Variants in CCDC171 observed in about 807,000 individuals in gnomAD.
The protein encoded by CCDC171 is coiled-coil domain containing 171.
CCDC171 carries 177 observed loss-of-function variants against 168.2 expected under a neutral mutation model. The ratio of observed to expected loss-of-function variants is 1.05; its 90% confidence interval spans 0.93 to 1.19. CCDC171 has a LOEUF of 1.19. Among genes scored for constraint, CCDC171 ranks in the 50% most tolerant of loss-of-function variants. The probability of loss-of-function intolerance (pLI) is 0.00; values close to 1 mark genes in which losing one functional copy is unlikely to be tolerated. For synonymous variants in CCDC171, 687 were observed against 540.8 expected (o/e 1.27, Z -3.75); for missense variants, 1,991 against 1,539.0 (o/e 1.29, Z -4.91).
intron 24 of CCDC171, among the ~76,000 whole-genome samples, chr9:15,906,677 A>G (rs963964697): frequency 9.8e-5 from 15 of 152,326 alleles, no homozygotes; most frequent in South Asian, 2.1e-4. Flanking sequence ...GGCCAGGGCA[A>G]TCAGGCAGGA....
At chr9:15,677,925 T>TATATATATATA (rs59883669) in intron 9 of CCDC171, among the ~76,000 whole-genome samples, 534 of 41,836 alleles carry the variant, frequency 0.013, 133 homozygotes, top group East Asian at 0.026. Flanking sequence ...TATATATATA[T>TATATATATATA]AAGAGATGTG....
At position 15,745,580 on chromosome 9, in the gene CCDC171, G is replaced by C; in HGVS notation, c.2620G>C (p.Ala874Pro). ...TTGGCTCACCAGTTCTGACCTTCTT[G>C]CTGCAATAATCAGTTCTATGGCTGA... ...LSWLTSSDLL[A>P]AIISSMAELQ... Residue 874 changes from alanine (A) to proline (P), a missense_variant, in exon 18 of 26, where the codon GCT becomes CCT. Transcript: ENST00000380701. 6.3e-7 allele frequency: 1 copy of C among 1,590,718 alleles called. No homozygotes were observed.
intron 1 of CCDC171, among the ~76,000 whole-genome samples, chr9:16,052,010 G>A (rs974712070): frequency 7.9e-5 from 12 of 152,222 alleles, no homozygotes; most frequent in Admixed American, 3.9e-4. Flanking sequence ...CGTGAGAACA[G>A]CAGGAGAAAA....
intron 11 of CCDC171, among the ~76,000 whole-genome samples, chr9:15,717,231 T>C (rs1359015870): frequency 6.6e-6 from 1 of 152,168 alleles, no homozygotes; most frequent in African/African-American, 2.4e-5. Context: ...AGTGATGCCC[T>C]GTCACAGTGG....
intron 7 of CCDC171, among the ~76,000 whole-genome samples, chr9:15,644,314 A>G (rs981719144): frequency 6.6e-6 from 1 of 152,160 alleles, no homozygotes; most frequent in African/African-American, 2.4e-5. Flanking sequence ...ACCCAGCGTG[A>G]GTGATGCAGA....
intron 16 of CCDC171, 116 bp from the exon 17 acceptor site, chr9:15,744,157 T>G (rs1333243677): frequency 5.0e-6 from 4 of 796,480 alleles, no homozygotes; most frequent in African/African-American, 1.7e-5. Context: ...AGCACATGTA[T>G]CTTTTAAAGA....
chr9:15,969,448 T>C (rs1389110388), intron 25 of CCDC171, among the ~76,000 whole-genome samples: 1 of 152,148 alleles, frequency 6.6e-6, no homozygotes, highest in East Asian at 1.9e-4. Flanking sequence ...TCACTAATAT[T>C]GACAAAACAG....
intron 3 of CCDC171, among the ~76,000 whole-genome samples, chr9:16,012,908 C>G (rs189944851): frequency 4.6e-5 from 7 of 152,266 alleles, no homozygotes; most frequent in African/African-American, 1.4e-4. Context: ...CTCCTAAATG[C>G]TTAAACGTAT....
chr9:15,719,448 A>AGGGAG (rs2053325592), intron 11 of CCDC171, among the ~76,000 whole-genome samples: 1 of 99,566 alleles, frequency 1.0e-5, no homozygotes, highest in Non-Finnish European at 2.2e-5. Context: ...GAGAGAGAGA[A>AGGGAG]AGTTTATTCA....
At chr9:15,790,638 T>G (rs2135580173) in intron 21 of CCDC171, among the ~76,000 whole-genome samples, 1 of 152,332 alleles carries the variant, frequency 6.6e-6, no homozygotes, top group East Asian at 1.9e-4. Flanking sequence ...TTGTTGCCAT[T>G]GCCTTTGGTG....
At chr9:15,810,271 A>G (rs953624519) in intron 21 of CCDC171, among the ~76,000 whole-genome samples, 1 of 152,146 alleles carries the variant, frequency 6.6e-6, no homozygotes, top group South Asian at 2.1e-4. Flanking sequence ...TGCATATACA[A>G]TCCTCTGGCT....
At chr9:15,960,177 C>G (rs567360865) in intron 25 of CCDC171, among the ~76,000 whole-genome samples, 94 of 152,200 alleles carry the variant, frequency 6.2e-4, no homozygotes, top group African/African-American at 2.2e-3. Flanking sequence ...AAAGCTTTTC[C>G]TATAAAAATA....
chr9:15,689,706 G>T (rs1292588745), intron 10 of CCDC171, among the ~76,000 whole-genome samples: 2 of 152,122 alleles, frequency 1.3e-5, no homozygotes, highest in Non-Finnish European at 2.9e-5. Context: ...GTAAGACTCA[G>T]TCTCAAAAGA....
chr9:15,630,923 T>C (rs1390583825), intron 7 of CCDC171, among the ~76,000 whole-genome samples: 8 of 152,118 alleles, frequency 5.3e-5, no homozygotes, highest in Admixed American at 2.6e-4. Context: ...GAATGACTGC[T>C]GGGTACATAA....
chr9:15,771,207 C>G (rs2056995434), intron 18 of CCDC171, among the ~76,000 whole-genome samples: 1 of 152,006 alleles, frequency 6.6e-6, no homozygotes, highest in African/African-American at 2.4e-5. Flanking sequence ...TCATCTTATA[C>G]TTGTGCAGTT....
At chr9:15,695,870 C>G (rs1459724859) in intron 11 of CCDC171, among the ~76,000 whole-genome samples, 2 of 152,048 alleles carry the variant, frequency 1.3e-5, no homozygotes, top group African/African-American at 2.4e-5. Flanking sequence ...GTTATTAGCC[C>G]ACTTCATATG....
chr9:16,000,337 T>A (rs2132945970), intron 3 of CCDC171, among the ~76,000 whole-genome samples: 1 of 152,306 alleles, frequency 6.6e-6, no homozygotes, highest in Admixed American at 6.5e-5. Context: ...TTGCTTGCTG[T>A]TTTTTGTTAC....
At chr9:15,734,534 G>A (rs1185967715) in intron 16 of CCDC171, among the ~76,000 whole-genome samples, 7 of 151,956 alleles carry the variant, frequency 4.6e-5, no homozygotes, top group South Asian at 2.1e-4. Context: ...CAACAAGAGC[G>A]AAACTCCATT....
chr9:15,664,904 G>T (rs1024638772), intron 8 of CCDC171, among the ~76,000 whole-genome samples: 11 of 151,636 alleles, frequency 7.3e-5, no homozygotes, highest in Admixed American at 2.6e-4. Context: ...TCTCCATGTT[G>T]GTCAGGCTAG....
Sources: allele counts gnomAD v4.1 joint callset (sites outside exome capture counted in the v4.1 genomes callset), GRCh38; gene constraint gnomAD v4.1.1; transcripts MANE v1.5; gene names NCBI Gene and HGNC (gene_info 2026-07-23, HGNC 2026-07-21).